The following TACC2 variants were observed in gnomAD, a reference collection of about 807,000 sequenced individuals.
TACC2 encodes transforming acidic coiled-coil-containing protein 2.
Under a neutral mutation model 227.3 loss-of-function variants are expected in TACC2, and 137 were observed. That is an observed-to-expected ratio of 0.60 (90% CI 0.52 to 0.69). The LOEUF is 0.69. TACC2 is among the 30% of genes least tolerant of loss of function. The probability of loss-of-function intolerance (pLI) is 0.00; values close to 1 mark genes in which losing one functional copy is unlikely to be tolerated. For synonymous variants in TACC2, 1,523 were observed against 1,487.5 expected (o/e 1.02, Z -0.55); for missense variants, 3,470 against 3,694.4 (o/e 0.94, Z 1.57).
intron 3 of TACC2, among the ~76,000 whole-genome samples, chr10:122,075,088 GA>G (rs2078616565): frequency 6.6e-6 from 1 of 151,816 alleles, no homozygotes; most frequent in African/African-American, 2.4e-5. Flanking sequence ...GCCACAGTCA[GA>G]GAAAGATAAG....
chr10:122,164,134 A>G (rs891290350), intron 7 of TACC2: 12 of 977,802 alleles, frequency 1.2e-5, no homozygotes, highest in Non-Finnish European at 1.8e-5. Context: ...GGAAAGCTTT[A>G]CCTGGGGCTG....
At chr10:122,242,183 C>T (rs1483922013) in intron 19 of TACC2, among the ~76,000 whole-genome samples, 182 bp downstream of exon 19, 2 of 152,156 alleles carry the variant, frequency 1.3e-5, no homozygotes, top group Non-Finnish European at 2.9e-5. Context: ...TTCTTGGTAA[C>T]ACCCCCCTGA....
chr10:122,198,269 G>A (rs936944243), intron 8 of TACC2, among the ~76,000 whole-genome samples: 12 of 152,186 alleles, frequency 7.9e-5, no homozygotes, highest in Non-Finnish European at 1.5e-4. Flanking sequence ...GCAAAGGATT[G>A]CACCTGCTGC....
At chr10:122,217,445 T>C (rs1322274635) in intron 11 of TACC2, among the ~76,000 whole-genome samples, 14 of 142,994 alleles carry the variant, frequency 9.8e-5, no homozygotes, top group Admixed American at 2.8e-4. Context: ...TTCTTTTTTT[T>C]TTTTTTTTTT....
In TACC2 at chr10:122,083,827, G is replaced by T. The variant is rs943607533; in HGVS notation, c.1327G>T (p.Glu443Ter). The T allele has an allele frequency of 1.9e-6, 3 of 1,614,072 alleles. No homozygotes were observed. Among genetic ancestry groups the T allele is most frequent in the Non-Finnish European group, 2.5e-6 (3 of 1,180,048 alleles). Residue 443 changes from glutamate (E) to a stop codon, truncating the protein, a stop_gained, in exon 4 of 23, where the codon GAA becomes TAA. Transcript: ENST00000369005. LOFTEE classifies it high-confidence loss of function. ...AGAAGAACCTGGATCATCATCCAGG[G>T]AATCAGTTTCCAAGGCTGGGATGCC... ...AVEEPGSSSR[E>*]SVSKAGMPVS...
intron 1 of TACC2, among the ~76,000 whole-genome samples, chr10:122,009,858 G>A (rs1055231508): frequency 1.1e-4 from 16 of 151,780 alleles, no homozygotes; most frequent in Admixed American, 9.2e-4. Flanking sequence ...CCTAGGAGGC[G>A]GAGGTTGCAG....
Position 122,085,162 on chromosome 10 carries a change from C to T in TACC2, c.2662C>T (p.Pro888Ser), listed in dbSNP as rs996005967. 6.8e-6 allele frequency: 11 copies of T among 1,614,016 alleles called. No individual in the cohort carries two copies. The African/African-American group carries it at 1.1e-4, about 16-fold the overall frequency. ...PVEPQEDNNL[P>S]THGGQEQALG... ...GGAACCTCAGGAAGATAACAACTTGCCCACTCATGGAGGACAGGAGCAGGC... is the reference window on the plus strand; with the variant it reads ...GGAACCTCAGGAAGATAACAACTTGTCCACTCATGGAGGACAGGAGCAGGC... Residue 888 changes from proline (P) to serine (S), a missense_variant, in exon 4 of 23, where the codon CCC (proline) becomes TCC (serine). Around this residue, in one of 10 missense-constraint regions of TACC2, gnomAD observed 1,924 missense variants for 1,978.3 expected, o/e 0.97. Coordinates refer to ENST00000369005, the MANE Select transcript of TACC2 (RefSeq NM_206862.4).
intron 5 of TACC2, among the ~76,000 whole-genome samples, chr10:122,107,131 AAAGT>A (rs2082904392): frequency 6.6e-6 from 1 of 152,254 alleles, no homozygotes; most frequent in Non-Finnish European, 1.5e-5. Flanking sequence ...TATTTAAACA[AAAGT>A]AAGGAAACAA....
intron 16 of TACC2, among the ~76,000 whole-genome samples, chr10:122,233,478 G>T (rs2095797973): frequency 6.6e-6 from 1 of 152,188 alleles, no homozygotes. Context: ...ACGGTTGAGT[G>T]GTGTGGCCCC....
intron 16 of TACC2, among the ~76,000 whole-genome samples, chr10:122,236,671 T>C (rs2095863061): frequency 6.6e-6 from 1 of 152,202 alleles, no homozygotes; most frequent in African/African-American, 2.4e-5. Context: ...TTGGGTGGGT[T>C]GGGGTGGTGG....
intron 6 of TACC2, among the ~76,000 whole-genome samples, chr10:122,134,897 T>C (rs2420998): frequency 0.82 from 125,521 of 152,166 alleles, 52,725 homozygotes; most frequent in Non-Finnish European, 0.92. Context: ...CTCCCATGCC[T>C]GAGACTGCAT....
intron 6 of TACC2, among the ~76,000 whole-genome samples, chr10:122,136,959 C>A (rs746143918): frequency 6.6e-6 from 1 of 152,202 alleles, no homozygotes; most frequent in Non-Finnish European, 1.5e-5. Context: ...TCCTCCTTCC[C>A]TGTTGCCTGC....
chr10:122,139,319 T>C (rs993426067), intron 6 of TACC2, among the ~76,000 whole-genome samples: 2 of 152,208 alleles, frequency 1.3e-5, no homozygotes, highest in African/African-American at 4.8e-5. Context: ...TCAGCTTGTT[T>C]GGGGCTGCTC....
At chr10:122,167,756 T>A (rs909602861) in intron 7 of TACC2, among the ~76,000 whole-genome samples, 2 of 152,204 alleles carry the variant, frequency 1.3e-5, no homozygotes, top group African/African-American at 4.8e-5. Context: ...AAGACGTAAG[T>A]GCCAGAAAAC....
intron 5 of TACC2, among the ~76,000 whole-genome samples, chr10:122,116,797 T>A (rs1157032638): frequency 6.6e-6 from 1 of 152,206 alleles, no homozygotes; most frequent in Non-Finnish European, 1.5e-5. Context: ...TGAAACGCAG[T>A]TCTTCCTTAT....
At chr10:121,992,953 TAAA>T (rs879342913) in intron 1 of TACC2, among the ~76,000 whole-genome samples, 5 of 130,240 alleles carry the variant, frequency 3.8e-5, no homozygotes, top group African/African-American at 2.8e-5. Context: ...AGACTGTCTC[TAAA>T]AAAAAAAAAA....
chr10:122,215,590 T>G, intron 10 of TACC2, 139 bp downstream of exon 10: 1 of 736,496 alleles, frequency 1.4e-6, no homozygotes, highest in South Asian at 1.6e-5. Flanking sequence ...GGAGGGTCCC[T>G]CGATGTTTGC....
chr10:122,240,953 G>A (rs1030472556), intron 18 of TACC2, among the ~76,000 whole-genome samples: 4 of 152,184 alleles, frequency 2.6e-5, no homozygotes, highest in Non-Finnish European at 4.4e-5. Context: ...TAGGAGATGA[G>A]ATTTGTGTTC....
intron 5 of TACC2, among the ~76,000 whole-genome samples, chr10:122,098,014 A>T (rs1206007935): frequency 6.6e-6 from 1 of 152,110 alleles, no homozygotes; most frequent in Admixed American, 6.6e-5. Flanking sequence ...CTCTGCTAGA[A>T]AGAGGTTTGG....
Sources: allele counts gnomAD v4.1 joint callset (sites outside exome capture counted in the v4.1 genomes callset), GRCh38; gene constraint gnomAD v4.1.1; regional missense constraint gnomAD v4.1.1; transcripts MANE v1.5; gene names NCBI Gene and HGNC (gene_info 2026-07-23, HGNC 2026-07-21).